Variants in KCNK2 observed in about 807,000 individuals in gnomAD.
KCNK2 encodes potassium two pore domain channel subfamily K member 2.
Under a neutral mutation model 40.5 loss-of-function variants are expected in KCNK2, and 21 were observed. The ratio of observed to expected loss-of-function variants is 0.52; its 90% CI spans 0.37 to 0.75. The LOEUF is 0.75. Ranked by LOEUF, KCNK2 falls within the 30% of genes least tolerant of loss-of-function variation. The pLI is 0.00. For missense variants in KCNK2, 399 were observed against 531.6 expected (o/e 0.75, Z 2.45); for synonymous variants, 191 against 202.2 (o/e 0.94, Z 0.47).
chr1:215,005,862 T>C, exon 1 of KCNK2: 1 of 1,504,502 alleles, frequency 6.6e-7, no homozygotes, highest in South Asian at 1.1e-5. Context: ...CAAGAAACCT[T>C]GGAGGAAGAA....
chr1:215,097,244 T>C (rs1275124809), intron 2 of KCNK2, among the ~76,000 whole-genome samples: 1 of 151,928 alleles, frequency 6.6e-6, no homozygotes, highest in African/African-American at 2.4e-5. Context: ...TGTAAGAAGA[T>C]TCTAGACACG....
intron 3 of KCNK2, among the ~76,000 whole-genome samples, chr1:215,167,544 A>T (rs1167956251): frequency 6.6e-6 from 1 of 152,150 alleles, no homozygotes; most frequent in African/African-American, 2.4e-5. Context: ...AAGTTGAGCT[A>T]CTTGAATAGT....
intron 3 of KCNK2, among the ~76,000 whole-genome samples, chr1:215,163,479 G>GC (rs987531695): frequency 6.6e-6 from 1 of 152,096 alleles, no homozygotes; most frequent in African/African-American, 2.4e-5. Flanking sequence ...GTGAGAGAGG[G>GC]CATCCTTGTC....
intron 1 of KCNK2, among the ~76,000 whole-genome samples, chr1:215,046,125 A>G (rs12097853): frequency 0.013 from 2,039 of 152,260 alleles, 45 homozygotes; most frequent in African/African-American, 0.046. Flanking sequence ...CAGACTTGTA[A>G]ATTCTAGGTC....
At position 215,237,043 on chromosome 1, in the gene KCNK2, G is replaced by A. The variant is rs2102721580; in HGVS notation, c.*1898G>A. ...AAATTTATATGGTGGAATGCGCCAT[G>A]TATAAACTGTGAATTGTATTGACAA... On this transcript the variant is annotated 3_prime_UTR_variant, in exon 7 of 7. Transcript: ENST00000444842. 6.6e-6 allele frequency: 1 copy of A among 152,608 alleles called. No individual in the cohort carries two copies. The highest frequency in any genetic ancestry group is 2.4e-5 in the African/African-American group (1 of 41,508). 9.5% of individuals were successfully genotyped at this position (152,608 alleles called of 1,614,324 possible).
intron 6 of KCNK2, among the ~76,000 whole-genome samples, chr1:215,210,028 A>T (rs186834027): frequency 0.084 from 2,842 of 33,964 alleles, 107 homozygotes; most frequent in South Asian, 0.26. Context: ...AATATATATT[A>T]TATATAATAT....
At chr1:215,090,775 GA>G (rs1659659849) in intron 2 of KCNK2, among the ~76,000 whole-genome samples, 1 of 152,202 alleles carries the variant, frequency 6.6e-6, no homozygotes, top group Non-Finnish European at 1.5e-5. Flanking sequence ...AGGTTGGGAA[GA>G]TATTCTATCT....
intron 5 of KCNK2, among the ~76,000 whole-genome samples, chr1:215,176,509 A>AC (rs34633690): frequency 6.6e-6 from 1 of 151,768 alleles, no homozygotes; most frequent in Admixed American, 6.6e-5. Context: ...CCGCTGACAG[A>AC]CCCCAGTGTG....
At chr1:215,168,105 T>C (rs1456879409) in intron 3 of KCNK2, among the ~76,000 whole-genome samples, 1 of 152,046 alleles carries the variant, frequency 6.6e-6, no homozygotes, top group Admixed American at 6.6e-5. Context: ...AAAAAACATA[T>C]GAAAAACAGC....
intron 6 of KCNK2, among the ~76,000 whole-genome samples, chr1:215,203,725 T>TA (rs1665178424): frequency 6.6e-6 from 1 of 151,944 alleles, no homozygotes; most frequent in Non-Finnish European, 1.5e-5. Context: ...AATAGCCTAG[T>TA]AAAAAAATGA....
chr1:215,148,223 G>T (rs1157253537), intron 3 of KCNK2, among the ~76,000 whole-genome samples: 1 of 150,672 alleles, frequency 6.6e-6, no homozygotes, highest in African/African-American at 2.4e-5. Flanking sequence ...GGGACTGCAG[G>T]TGCATACCAC....
At chr1:215,206,189 G>C (rs562710050) in intron 6 of KCNK2, among the ~76,000 whole-genome samples, 26 of 152,242 alleles carry the variant, frequency 1.7e-4, no homozygotes, top group African/African-American at 6.3e-4. Flanking sequence ...TGAGTCCAGT[G>C]ATGCTGAATC....
chr1:215,015,923 A>G (rs1020789294), intron 1 of KCNK2, among the ~76,000 whole-genome samples: 2 of 152,186 alleles, frequency 1.3e-5, no homozygotes, highest in Non-Finnish European at 2.9e-5. Context: ...AAACCTCTCC[A>G]TTAAGTAAAA....
chr1:215,025,001 C>T (rs1489596642), intron 1 of KCNK2, among the ~76,000 whole-genome samples: 1 of 141,346 alleles, frequency 7.1e-6, no homozygotes, highest in East Asian at 2.2e-4. Flanking sequence ...CATTATGTTG[C>T]AATTTGTGAA....
chr1:215,044,340 T>C (rs948954196), intron 1 of KCNK2, among the ~76,000 whole-genome samples: 3 of 152,106 alleles, frequency 2.0e-5, no homozygotes, highest in Non-Finnish European at 4.4e-5. Context: ...AATCTGTTAA[T>C]TTTTATTTAG....
intron 1 of KCNK2, among the ~76,000 whole-genome samples, chr1:215,043,909 G>T (rs1657652825): frequency 6.6e-6 from 1 of 152,060 alleles, no homozygotes; most frequent in Non-Finnish European, 1.5e-5. Flanking sequence ...ACAAATGCAA[G>T]AAATCTGTAG....
chr1:215,138,676 C>A (rs922063804), intron 3 of KCNK2, among the ~76,000 whole-genome samples: 1 of 152,006 alleles, frequency 6.6e-6, no homozygotes, highest in African/African-American at 2.4e-5. Context: ...CAGCGGGAGA[C>A]CCTGTCTCAA....
intron 1 of KCNK2, among the ~76,000 whole-genome samples, chr1:215,009,263 C>A (rs564078117): frequency 6.6e-6 from 1 of 152,062 alleles, no homozygotes; most frequent in Non-Finnish European, 1.5e-5. Flanking sequence ...GCAGAACCAC[C>A]ATTTTTATAC....
At chr1:215,122,392 G>T (rs1223387924) in intron 2 of KCNK2, among the ~76,000 whole-genome samples, 2 of 152,014 alleles carry the variant, frequency 1.3e-5, no homozygotes, top group African/African-American at 2.4e-5. Flanking sequence ...ACATTTAAAA[G>T]AAAGATAATG....
Sources: allele counts gnomAD v4.1 joint callset (sites outside exome capture counted in the v4.1 genomes callset), GRCh38; gene constraint gnomAD v4.1.1; transcripts MANE v1.5; gene names NCBI Gene and HGNC (gene_info 2026-07-23, HGNC 2026-07-21).